Variants in EYS observed in about 807,000 individuals in gnomAD.
EYS encodes EGF-like photoreceptor maintenance factor, also known as protein eyes shut homolog.
EYS carries 250 observed loss-of-function variants against 282.1 expected under a neutral mutation model. That is an observed-to-expected ratio of 0.89 (90% CI 0.80 to 0.98). EYS has a LOEUF of 0.98. EYS is among the 50% of genes least tolerant of loss of function. The probability of loss-of-function intolerance (pLI) is 0.00; values close to 1 mark genes in which losing one functional copy is unlikely to be tolerated. For synonymous variants in EYS, 1,355 were observed against 1,282.9 expected, an observed-to-expected ratio of 1.06 and a Z score of -1.20; for missense variants, 4,016 against 3,709.0, an observed-to-expected ratio of 1.08 and a Z score of -2.15.
chr6:64,840,528 A>T (rs188404104), intron 19 of EYS, among the ~76,000 whole-genome samples: 168 of 152,228 alleles, frequency 1.1e-3, no homozygotes, highest in Middle Eastern at 0.01. Flanking sequence ...CATGTTTTCA[A>T]ATTCCAAGGG....
chr6:64,738,459 G>T (rs1772259098), intron 22 of EYS, among the ~76,000 whole-genome samples: 1 of 152,150 alleles, frequency 6.6e-6, no homozygotes, highest in Non-Finnish European at 1.5e-5. Context: ...AGAACTGTGA[G>T]CCAAATAAAC....
chr6:64,920,667 C>A (rs373627974), intron 15 of EYS, among the ~76,000 whole-genome samples: 2 of 152,046 alleles, frequency 1.3e-5, no homozygotes, highest in South Asian at 2.1e-4. Flanking sequence ...CATACCTATA[C>A]CCACACATTG....
intron 22 of EYS, among the ~76,000 whole-genome samples, chr6:64,736,510 A>G (rs1460578274): frequency 1.3e-5 from 2 of 152,162 alleles, no homozygotes. Context: ...ACTACTTTAA[A>G]GTATTTTTGC....
chr6:64,552,739 C>A (rs1051848453), intron 26 of EYS, among the ~76,000 whole-genome samples: 42 of 149,232 alleles, frequency 2.8e-4, no homozygotes, highest in African/African-American at 7.9e-4. Context: ...ATGGTGAACC[C>A]CCCCCACCAT....
chr6:63,832,498 C>T (rs1481868206), intron 36 of EYS, among the ~76,000 whole-genome samples: 3 of 152,142 alleles, frequency 2.0e-5, no homozygotes, highest in Admixed American at 2.0e-4. Context: ...CACATATACC[C>T]TCCCAACACT....
chr6:65,243,449 T>C (rs1169328451), intron 12 of EYS, among the ~76,000 whole-genome samples: 1 of 152,198 alleles, frequency 6.6e-6, no homozygotes, highest in Non-Finnish European at 1.5e-5. Flanking sequence ...TTGGAGCTTC[T>C]GAGCTTTTGT....
Position 64,639,242 on chromosome 6 carries a change from T to C in EYS, c.3444-12997A>G, listed in dbSNP as rs1768053700. Among the ~76,000 whole-genome samples, 2 of 90,650 alleles carry C rather than the reference T, an allele frequency of 2.2e-5. 1 individual carries two copies. Among genetic ancestry groups the C allele is most frequent in the East Asian group, 4.8e-4 (2 of 4,126 alleles). 59.5% of individuals were successfully genotyped at this position (90,650 alleles called of 152,430 possible). On this transcript the variant is annotated intron_variant, in intron 22 of 42. Coordinates refer to ENST00000503581, the MANE Select transcript of EYS (RefSeq NM_001142800.2). ...CTCATTTTACCTAACTTACCTTAAT[T>C]ACCTCTTTAAGAGACCTGTCTCCAG...
At chr6:65,514,842 A>G (rs1469689794) in intron 2 of EYS, among the ~76,000 whole-genome samples, 1 of 152,222 alleles carries the variant, frequency 6.6e-6, no homozygotes, top group Non-Finnish European at 1.5e-5. Context: ...AAACCCTAGA[A>G]GAAAACCTAG....
intron 41 of EYS, among the ~76,000 whole-genome samples, chr6:63,741,131 C>T (rs1018470141): frequency 6.6e-6 from 1 of 152,138 alleles, no homozygotes; most frequent in Non-Finnish European, 1.5e-5. Flanking sequence ...GTTTCAGAAG[C>T]GTTAGTGGTT....
chr6:64,364,933 A>G (rs1159513811), intron 29 of EYS, among the ~76,000 whole-genome samples: 1 of 151,936 alleles, frequency 6.6e-6, no homozygotes, highest in Non-Finnish European at 1.5e-5. Flanking sequence ...TTAGTAAAAG[A>G]TGACTATTTT....
intron 2 of EYS, among the ~76,000 whole-genome samples, chr6:65,512,208 G>C (rs115246588): frequency 2.8e-3 from 428 of 151,930 alleles, no homozygotes; most frequent in Middle Eastern, 0.014. Flanking sequence ...AAATTACATT[G>C]TAGGCCGGGC....
At chr6:63,839,214 C>G (rs1171231707) in intron 36 of EYS, among the ~76,000 whole-genome samples, 1 of 152,174 alleles carries the variant, frequency 6.6e-6, no homozygotes, top group Non-Finnish European at 1.5e-5. Flanking sequence ...GCTATCCCCC[C>G]TCTCTAAAAC....
chr6:64,502,863 A>G (rs1313722807), intron 26 of EYS, among the ~76,000 whole-genome samples: 3 of 152,216 alleles, frequency 2.0e-5, no homozygotes. Context: ...TTCAAGAACA[A>G]TGGTAGCCAG....
intron 12 of EYS, among the ~76,000 whole-genome samples, chr6:65,176,954 A>T (rs1765240326): frequency 6.6e-6 from 1 of 151,700 alleles, no homozygotes; most frequent in Non-Finnish European, 1.5e-5. Flanking sequence ...ATGTCAGTTC[A>T]TATCATTATC....
At chr6:64,334,477 G>T (rs1386373576) in intron 29 of EYS, among the ~76,000 whole-genome samples, 1 of 152,160 alleles carries the variant, frequency 6.6e-6, no homozygotes, top group Non-Finnish European at 1.5e-5. Context: ...GAGCTGGAAA[G>T]ATAATGAATG....
chr6:64,002,584 C>G (rs1485757666), intron 33 of EYS, among the ~76,000 whole-genome samples: 1 of 152,216 alleles, frequency 6.6e-6, no homozygotes, highest in Non-Finnish European at 1.5e-5. Context: ...ACCTGCCCAT[C>G]TGCATGCTAC....
intron 12 of EYS, among the ~76,000 whole-genome samples, chr6:65,224,410 AG>A (rs1195566789): frequency 5.3e-5 from 8 of 152,322 alleles, no homozygotes; most frequent in Admixed American, 4.6e-4. Context: ...ACTGCGGTAA[AG>A]GAGTACTTGG....
At chr6:65,571,241 A>C (rs978230978) in intron 2 of EYS, among the ~76,000 whole-genome samples, 5 of 152,032 alleles carry the variant, frequency 3.3e-5, no homozygotes, top group Non-Finnish European at 5.9e-5. Context: ...ATTTAAACTT[A>C]AATACCATCT....
rs557553307 is a variant in EYS at position 65,431,279 on chromosome 6, T to G, written c.863-25912A>C. The stretch of plus-strand genomic sequence containing the variant: ...TGAGAAACACCTTTTCCTTTACTCC[T>G]TAATATCACCATCCTGTATCTTGGG... On this transcript the variant is annotated intron_variant, in intron 5 of 42. Coordinates refer to ENST00000503581, the MANE Select transcript of EYS (RefSeq NM_001142800.2). Among the ~76,000 whole-genome samples the G allele has an allele frequency of 6.7e-4, 102 of 152,272 alleles. 1 individual carries two copies. The Middle Eastern group carries it at 0.01, about 15-fold the overall frequency.
Sources: gnomAD v4.1 joint callset for allele counts (sites outside exome capture counted in the v4.1 genomes callset) on GRCh38, gnomAD v4.1.1 for gene constraint, MANE v1.5 for transcripts, NCBI Gene and HGNC (gene_info 2026-07-23, HGNC 2026-07-21) for gene names.